The following MALRD1 variants were observed in gnomAD, a reference collection of about 807,000 sequenced individuals.
MALRD1 encodes the protein MAM and LDL-receptor class A domain-containing protein 1.
In MALRD1, 247 loss-of-function variants were observed where a neutral mutation model predicts 242.1. The ratio of observed to expected loss-of-function variants is 1.02; its 90% CI spans 0.92 to 1.13. The LOEUF (loss-of-function observed/expected upper bound fraction) is 1.13, where lower values mean the gene tolerates loss of function less well. Among genes scored for constraint, MALRD1 ranks in the 50% most tolerant of loss-of-function variants. The pLI, the probability that MALRD1 is intolerant of heterozygous loss-of-function variation, is 0.00. For missense variants in MALRD1, 2,989 were observed against 2,533.1 expected (o/e 1.18, Z -3.86); for synonymous variants, 995 against 866.6 (o/e 1.15, Z -2.60).
chr10:19,441,638 T>A (rs946769258), intron 28 of MALRD1, among the ~76,000 whole-genome samples: 1 of 152,124 alleles, frequency 6.6e-6, no homozygotes, highest in African/African-American at 2.4e-5. Context: ...GATCAGATGG[T>A]TGTAGATGTG....
rs1348522149 is a variant in MALRD1 at position 19,584,611 on chromosome 10, C to A, written c.5681-10583C>A. 2.0e-5 allele frequency among the ~76,000 whole-genome samples: 3 copies of A among 151,866 alleles called. No individual in the cohort carries two copies. In the East Asian group the frequency reaches 5.8e-4, roughly 29 times the overall value. ...GAGATAGTTTGTTATAATTTCTGTT[C>A]TTTTACATTTGCTGAGGAGAGCTTT... is the stretch of plus-strand genomic sequence containing the variant. On this transcript the variant is annotated intron_variant, in intron 33 of 39. Transcript: ENST00000454679.
In MALRD1 at chr10:19,124,540, G is replaced by A. The variant is rs1837183763; in HGVS notation, c.813G>A (p.Gly271=). ...CCCGTTTAGTGTGTCAGGCCTGTGG[G>A]TTTGAATTTGACATGTGTGAGTGGA... is the stretch of plus-strand genomic sequence containing the variant. ...DEELRLCQAC[G]FEFDMCEWTS... The change falls in exon 7 of 40, where the codon GGG becomes GGA. Residue 271 remains glycine, a synonymous_variant. Transcript: ENST00000454679. 1.6e-6 allele frequency: 2 copies of A among 1,233,718 alleles called. No individual in the cohort carries two copies. Among genetic ancestry groups the A allele is most frequent in the African/African-American group, 3.1e-5 (2 of 64,458 alleles). 76.4% of individuals were successfully genotyped at this position (1,233,718 alleles called of 1,614,324 possible).
At position 19,283,090 on chromosome 10, in the gene MALRD1, C is replaced by G; in HGVS notation, c.3328C>G (p.Gln1110Glu). 1 of 1,550,000 alleles carries G rather than the reference C, an allele frequency of 6.5e-7. No individual in the cohort carries two copies. Among genetic ancestry groups the G allele is most frequent in the Non-Finnish European group, 8.7e-7 (1 of 1,146,642 alleles). ...WYQPIPVHLL[Q>E]DSNTFRWGLG... is the part of the protein sequence containing the mutation. ...TCAACCAATCCCAGTACATTTGCTT[C>G]AAGATTCAAACACATTCAGGTGGGG... The change falls in exon 21 of 40, where the codon CAA becomes GAA. Residue 1110 changes from glutamine to glutamate, a missense_variant. Physicochemically the swap from Gln to Glu is conservative, Grantham distance 29 (BLOSUM62 2). Transcript: ENST00000454679.
intron 29 of MALRD1, among the ~76,000 whole-genome samples, chr10:19,455,582 A>G (rs1250568104): frequency 4.6e-5 from 7 of 152,198 alleles, no homozygotes; most frequent in African/African-American, 1.7e-4. Flanking sequence ...GGATTAAATT[A>G]TTAACTCTAT....
At chr10:19,166,760 G>T (rs1834702988) in intron 13 of MALRD1, among the ~76,000 whole-genome samples, 1 of 152,120 alleles carries the variant, frequency 6.6e-6, no homozygotes. Context: ...TGTCAAATGG[G>T]TGTTCTAATT....
At chr10:19,603,275 A>G (rs1435195565) in intron 34 of MALRD1, among the ~76,000 whole-genome samples, 2 of 152,136 alleles carry the variant, frequency 1.3e-5, no homozygotes, top group Admixed American at 6.6e-5. Flanking sequence ...GCCCATGCCT[A>G]TGTTCTGAAT....
At chr10:19,404,021 T>A (rs996571598) in intron 28 of MALRD1, among the ~76,000 whole-genome samples, 3 of 152,114 alleles carry the variant, frequency 2.0e-5, no homozygotes, top group Non-Finnish European at 2.9e-5. Context: ...TAAGCAATTT[T>A]GTTTCTTGTG....
intron 36 of MALRD1, among the ~76,000 whole-genome samples, chr10:19,674,124 A>G (rs2131772548): frequency 6.6e-6 from 1 of 152,258 alleles, no homozygotes; most frequent in Admixed American, 6.5e-5. Flanking sequence ...ATAGTCTAAG[A>G]TTTGGATAGA....
chr10:19,457,370 C>T (rs1001519591), intron 29 of MALRD1, among the ~76,000 whole-genome samples: 2 of 151,978 alleles, frequency 1.3e-5, no homozygotes, highest in Admixed American at 6.6e-5. Context: ...TTACATAAAG[C>T]GGGTTTATTA....
At chr10:19,345,141 T>A (rs1246237327) in intron 24 of MALRD1, among the ~76,000 whole-genome samples, 2 of 152,136 alleles carry the variant, frequency 1.3e-5, no homozygotes, top group Non-Finnish European at 2.9e-5. Flanking sequence ...TATTTTATTT[T>A]CCCCACTGGT....
intron 33 of MALRD1, among the ~76,000 whole-genome samples, chr10:19,591,189 G>A (rs1047342223): frequency 1.4e-4 from 22 of 152,126 alleles, no homozygotes; most frequent in African/African-American, 4.8e-4. Context: ...CTTTCACTTA[G>A]TAACCTACAT....
Position 19,384,088 on chromosome 10 carries a change from T to C in MALRD1, c.4442-3440T>C, listed in dbSNP as rs543859230. On this transcript the variant is annotated intron_variant, in intron 26 of 39. Transcript: ENST00000454679. ...GAGAGAGCATGGTGTGAGATGATAT[T>C]GTGGTTTGCATTTGCATTCCTCTGA... is the stretch of plus-strand genomic sequence containing the variant. 4.0e-5 allele frequency among the ~76,000 whole-genome samples: 6 copies of C among 151,486 alleles called. No homozygotes were observed. The South Asian group carries it at 1.2e-3, about 31-fold the overall frequency.
At chr10:19,300,420 A>G (rs1045019693) in intron 21 of MALRD1, among the ~76,000 whole-genome samples, 1 of 151,966 alleles carries the variant, frequency 6.6e-6, no homozygotes, top group Non-Finnish European at 1.5e-5. Flanking sequence ...AATCCTAAGC[A>G]AAAATAAAGC....
chr10:19,324,227 G>C, intron 22 of MALRD1, 122 bp downstream of exon 22: 1 of 940,712 alleles, frequency 1.1e-6, no homozygotes, highest in South Asian at 1.7e-5. Context: ...CACTTCACTA[G>C]ATTTATAGTG....
At chr10:19,697,141 CAGAGAG>C (rs1006108839) in intron 38 of MALRD1, among the ~76,000 whole-genome samples, 47 of 152,052 alleles carry the variant, frequency 3.1e-4, no homozygotes, top group Admixed American at 1.1e-3. Context: ...GAGATAGAGA[CAGAGAG>C]AGAAAGAGAA....
intron 8 of MALRD1, among the ~76,000 whole-genome samples, chr10:19,130,138 C>A (rs1833043050): frequency 6.6e-6 from 1 of 151,964 alleles, no homozygotes; most frequent in Non-Finnish European, 1.5e-5. Flanking sequence ...ATATTTCATT[C>A]CATTTGGTAA....
intron 36 of MALRD1, among the ~76,000 whole-genome samples, chr10:19,620,161 A>T (rs1310157875): frequency 6.6e-6 from 1 of 152,168 alleles, no homozygotes; most frequent in East Asian, 1.9e-4. Context: ...GGAGAGGTAC[A>T]TTTAAAATTT....
At chr10:19,283,319 T>G in intron 21 of MALRD1, 138 bp downstream of exon 21, 1 of 722,946 alleles carries the variant, frequency 1.4e-6, no homozygotes. Context: ...GCTGTTTTCT[T>G]TCATACAAAA....
intron 19 of MALRD1, among the ~76,000 whole-genome samples, chr10:19,270,313 TCTCTTCTC>T (rs143864900): frequency 0.012 from 1,631 of 132,840 alleles, 38 homozygotes; most frequent in African/African-American, 0.048. Context: ...ACTGTCTCTC[TCTCTTCTC>T]TCTCTCTCTC....
Sources: allele counts gnomAD v4.1 joint callset (sites outside exome capture counted in the v4.1 genomes callset), GRCh38; gene constraint gnomAD v4.1.1; transcripts MANE v1.5; gene names NCBI Gene and HGNC (gene_info 2026-07-23, HGNC 2026-07-21).